DCAF8L2: variants seen among roughly 807,000 people sequenced by gnomAD.
The protein encoded by DCAF8L2 is DDB1 and CUL4 associated factor 8 like 2.
For missense variants in DCAF8L2, 430 were observed against 490.7 expected, an observed-to-expected ratio of 0.88 and a Z score of 1.17; for synonymous variants, 200 against 190.9, an observed-to-expected ratio of 1.05 and a Z score of -0.39.
chrX:27,601,472 G>C (rs1926639009), intron 1 of DCAF8L2, among the ~76,000 whole-genome samples: 1 of 111,984 alleles, frequency 8.9e-6, no homozygotes, highest in Non-Finnish European at 1.9e-5. Flanking sequence ...GGCCGAGGCG[G>C]GTGGATTGCT....
chrX:27,493,621 G>T, the DCAF8L2 span, among the ~76,000 whole-genome samples: 1 of 104,230 alleles, frequency 9.6e-6, no homozygotes, highest in Non-Finnish European at 1.9e-5. Flanking sequence ...TGAGGCAGGA[G>T]AATCGCTTGA....
chrX:27,648,075 T>G (rs1334686053), intron 2 of DCAF8L2, among the ~76,000 whole-genome samples: 2 of 110,936 alleles, frequency 1.8e-5, no homozygotes, highest in Non-Finnish European at 3.8e-5. Context: ...CATATCAAGA[T>G]TCCCTGAATT....
chrX:27,610,262 C>A (rs1489445889), intron 1 of DCAF8L2, among the ~76,000 whole-genome samples: 2 of 110,695 alleles, frequency 1.8e-5, no homozygotes, highest in African/African-American at 6.6e-5. Flanking sequence ...CACCCATATG[C>A]CTAAATGTGG....
intron 3 of DCAF8L2, among the ~76,000 whole-genome samples, chrX:27,711,080 T>C (rs766608081): frequency 1.3e-4 from 15 of 111,963 alleles, no homozygotes; most frequent in African/African-American, 3.6e-4. Flanking sequence ...AAATTATTTT[T>C]CCTTTTGTTC....
chrX:27,703,777 T>C (rs1385410314), intron 3 of DCAF8L2, among the ~76,000 whole-genome samples: 3 of 110,564 alleles, frequency 2.7e-5, no homozygotes, highest in Non-Finnish European at 3.8e-5. Flanking sequence ...AGCCTTAAAA[T>C]AAAACATAGG....
chrX:27,566,084 A>G, the DCAF8L2 span, among the ~76,000 whole-genome samples: 8 of 109,719 alleles, frequency 7.3e-5, no homozygotes, highest in Non-Finnish European at 1.5e-4. Context: ...AACTCCTCTT[A>G]TCTGTGCAGC....
chrX:27,592,401 T>G (rs1166724270), intron 1 of DCAF8L2, among the ~76,000 whole-genome samples: 3 of 89,786 alleles, frequency 3.3e-5, no homozygotes, highest in East Asian at 3.8e-4. Flanking sequence ...AGCATTGTTT[T>G]TTTTTGTTTG....
chrX:27,731,945 A>T (rs780956825), intron 4 of DCAF8L2, among the ~76,000 whole-genome samples: 84 of 111,830 alleles, frequency 7.5e-4, no homozygotes, highest in Non-Finnish European at 1.3e-3. Context: ...CTTGCCCAAG[A>T]TGATACAACT....
chrX:27,667,261 T>A (rs377661222), intron 2 of DCAF8L2, among the ~76,000 whole-genome samples: 1 of 111,717 alleles, frequency 9.0e-6, no homozygotes, highest in African/African-American at 3.3e-5. Flanking sequence ...TGGTTCTTTA[T>A]TTTGTTGTTA....
the DCAF8L2 span, among the ~76,000 whole-genome samples, chrX:27,570,547 G>C: frequency 1.8e-5 from 2 of 111,750 alleles, no homozygotes; most frequent in Non-Finnish European, 3.8e-5. Flanking sequence ...TGGATGTTTT[G>C]CAGTGTCCTG....
At chrX:27,624,578 G>A (rs1927925661) in intron 1 of DCAF8L2, among the ~76,000 whole-genome samples, 1 of 110,689 alleles carries the variant, frequency 9.0e-6, no homozygotes, top group East Asian at 2.8e-4. Context: ...GAAAACCAGA[G>A]GCATCACATT....
intron 1 of DCAF8L2, among the ~76,000 whole-genome samples, chrX:27,593,985 A>G (rs1178392643): frequency 1.8e-5 from 2 of 112,556 alleles, no homozygotes; most frequent in African/African-American, 6.5e-5. Flanking sequence ...ATTACTGCAC[A>G]TAAGAAATAC....
intron 2 of DCAF8L2, among the ~76,000 whole-genome samples, chrX:27,654,518 T>G (rs748367005): frequency 8.9e-6 from 1 of 112,152 alleles, no homozygotes; most frequent in South Asian, 3.7e-4. Flanking sequence ...TTTCACACAG[T>G]CATAAATAAG....
intron 1 of DCAF8L2, among the ~76,000 whole-genome samples, chrX:27,611,421 C>T (rs1478048722): frequency 9.2e-6 from 1 of 108,877 alleles, no homozygotes; most frequent in East Asian, 2.9e-4. Flanking sequence ...AACGGGAGAA[C>T]ATTTTTGCAA....
chrX:27,721,535 A>C (rs751191153), intron 4 of DCAF8L2, among the ~76,000 whole-genome samples: 2 of 111,783 alleles, frequency 1.8e-5, no homozygotes, highest in Non-Finnish European at 3.8e-5. Context: ...ACCTAATTCT[A>C]ATCTATGGAA....
At chrX:27,619,805 A>T (rs1042332944) in intron 1 of DCAF8L2, among the ~76,000 whole-genome samples, 2 of 111,369 alleles carry the variant, frequency 1.8e-5, no homozygotes, top group African/African-American at 6.5e-5. Context: ...AGAAAGGATA[A>T]CTTCTACTGC....
At chrX:27,511,280 C>T in the DCAF8L2 span, among the ~76,000 whole-genome samples, 1 of 111,104 alleles carries the variant, frequency 9.0e-6, no homozygotes, top group African/African-American at 3.3e-5. Flanking sequence ...ATTCCCAGAG[C>T]AGTTTCCCTT....
chrX:27,519,313 G>A, the DCAF8L2 span: 9 of 1,051,564 alleles, frequency 8.6e-6, no homozygotes, highest in East Asian at 3.0e-5. Flanking sequence ...AGAAGAAGCA[G>A]AGCGGCTTGA....
intron 2 of DCAF8L2, among the ~76,000 whole-genome samples, chrX:27,656,438 A>G (rs1044016306): frequency 8.9e-6 from 1 of 112,074 alleles, no homozygotes; most frequent in African/African-American, 3.2e-5. Context: ...AATGATAACC[A>G]CAACAATAGC....
Sources: allele counts gnomAD v4.1 joint callset (sites outside exome capture counted in the v4.1 genomes callset), GRCh38; gene constraint gnomAD v4.1.1; transcripts MANE v1.5; gene names NCBI Gene and HGNC (gene_info 2026-07-23, HGNC 2026-07-21).